CCDC180: variants seen among roughly 807,000 people sequenced by gnomAD.
The protein encoded by CCDC180 is coiled-coil domain-containing protein 180.
In CCDC180, 154 loss-of-function variants were observed where a neutral mutation model predicts 209.2. That is an observed-to-expected ratio of 0.74 (90% confidence interval 0.65 to 0.84). CCDC180 has a LOEUF of 0.84. CCDC180 is among the 40% of genes least tolerant of loss of function. The pLI is 0.00. For synonymous variants in CCDC180, 778 were observed against 749.1 expected (o/e 1.04, Z -0.63); for missense variants, 1,874 against 1,997.3 (o/e 0.94, Z 1.18).
intron 19 of CCDC180, 55 bp downstream of exon 19, chr9:97,343,618 GT>G: frequency 7.8e-7 from 1 of 1,274,656 alleles, no homozygotes; most frequent in Non-Finnish European, 1.1e-6. Flanking sequence ...TGTAAACAAG[GT>G]GAAATATTAA....
At chr9:97,375,704 A>G (rs555878181) in intron 36 of CCDC180, 115 bp downstream of exon 36, 1 of 1,224,468 alleles carries the variant, frequency 8.2e-7, no homozygotes, top group East Asian at 2.5e-5. Flanking sequence ...AGCAGGCAAC[A>G]CATGTCAGCA....
At position 97,314,669 on chromosome 9, in the gene CCDC180, C is replaced by T. The variant is rs1197588108; in HGVS notation, c.640C>T (p.Gln214Ter). The change falls in exon 7 of 37, where the codon CAG becomes TAG. Residue 214 changes from glutamine to a stop codon, truncating the protein, a stop_gained. Coordinates refer to ENST00000529487, the MANE Select transcript of CCDC180 (RefSeq NM_020893.6). LOFTEE classifies it high-confidence loss of function. ...KVAGRLLLRK[Q>*]EIKELDEALH... ...GGCCGGGCGGTTACTGCTCCGGAAG[C>T]AGGAGATTAAGGAGCTGGATGAGGC... The T allele has an allele frequency of 6.2e-7, 1 of 1,614,060 alleles. No homozygotes were observed. The highest frequency in any genetic ancestry group is 1.1e-5 in the South Asian group (1 of 91,082).
At position 97,376,917 on chromosome 9, in the gene CCDC180, A is replaced by G. The variant is rs370790089; in HGVS notation, c.*23A>G. On this transcript the variant is annotated 3_prime_UTR_variant, in exon 37 of 37. Coordinates refer to ENST00000529487, the MANE Select transcript of CCDC180 (RefSeq NM_020893.6). Reference sequence around the variant, plus strand: ...TGACCCTCCGCCCCACCATGAATAAACACTTTCTTATACAGACTCCTTCCC... The same window carrying G: ...TGACCCTCCGCCCCACCATGAATAAGCACTTTCTTATACAGACTCCTTCCC... The G allele has an allele frequency of 1.2e-4, 199 of 1,603,588 alleles. No individual in the cohort carries two copies. The highest frequency in any genetic ancestry group is 1.6e-4 in the Non-Finnish European group (188 of 1,177,074).
Position 97,314,602 on chromosome 9 carries a change from A to C in CCDC180, c.589-16A>C, listed in dbSNP as rs1350389179. On this transcript the variant is annotated splice_polypyrimidine_tract_variant and intron_variant, in intron 6 of 36. Transcript: ENST00000529487. The stretch of plus-strand genomic sequence containing the variant: ...CTCCCACCGGCTCCTAGCCTGACCC[A>C]AACTTCTCTGCGTAGGCCCTGCTGG... The C allele has an allele frequency of 5.0e-6, 8 of 1,613,908 alleles. No homozygotes were observed. The highest frequency in any genetic ancestry group is 1.7e-6 in the Non-Finnish European group (2 of 1,179,926).
intron 31 of CCDC180, among the ~76,000 whole-genome samples, chr9:97,368,389 T>G (rs1826985212): frequency 6.6e-6 from 1 of 152,046 alleles, no homozygotes; most frequent in African/African-American, 2.4e-5. Context: ...TCCACAGACC[T>G]CCAAAGTGGG....
chr9:97,314,976 C>T (rs369916925), intron 8 of CCDC180, 30 bp downstream of exon 8: 1 of 1,571,474 alleles, frequency 6.4e-7, no homozygotes, highest in East Asian at 2.2e-5. Context: ...AGGGATCAGC[C>T]CATGGGAGAA....
At chr9:97,322,471 C>G (rs73559874) in intron 11 of CCDC180, among the ~76,000 whole-genome samples, 4,147 of 152,234 alleles carry the variant, frequency 0.027, 188 homozygotes, top group African/African-American at 0.094. Context: ...CTAGTGCATT[C>G]CGTTTTTCAG....
chr9:97,376,890 T>C lies in CCDC180; in HGVS notation c.4970T>C (p.Val1657Ala), dbSNP rs768900063. The C allele has an allele frequency of 5.6e-6, 9 of 1,611,290 alleles. No homozygotes were observed. The East Asian group carries it at 2.0e-4, about 36-fold the overall frequency. The change falls in exon 37 of 37, where the codon GTG becomes GCG. Residue 1657 changes from valine (V) to alanine (A), a missense_variant. Physicochemically the swap from Val to Ala is moderately conservative, Grantham distance 64. Coordinates refer to ENST00000529487, the MANE Select transcript of CCDC180 (RefSeq NM_020893.6). ...CTGCACACTATCCAAGGCCTGTATGTGTGACCCTCCGCCCCACCATGAATA... is the reference window on the plus strand; with the variant it reads ...CTGCACACTATCCAAGGCCTGTATGCGTGACCCTCCGCCCCACCATGAATA... ...QSLHTIQGLY[V>A]
chr9:97,352,532 G>A (rs914092007), intron 22 of CCDC180, among the ~76,000 whole-genome samples: 30 of 152,158 alleles, frequency 2.0e-4, no homozygotes, highest in Non-Finnish European at 1.0e-4. Context: ...TTTAGAGAAA[G>A]CTCTTCCCTG....
intron 25 of CCDC180, among the ~76,000 whole-genome samples, chr9:97,359,597 C>T (rs1042663105): frequency 6.6e-6 from 1 of 152,096 alleles, no homozygotes; most frequent in Non-Finnish European, 1.5e-5. Context: ...TTGCCACCTG[C>T]GTCAAATGTT....
At chr9:97,340,736 T>C (rs59326423) in intron 18 of CCDC180, among the ~76,000 whole-genome samples, 7,425 of 152,282 alleles carry the variant, frequency 0.049, 635 homozygotes, top group African/African-American at 0.17. Context: ...AGGCGGACCA[T>C]GGTCTAGTGG....
chr9:97,336,188 T>C lies in CCDC180; in HGVS notation c.2274+5421T>C, dbSNP rs867666826. 7.2e-5 allele frequency among the ~76,000 whole-genome samples: 11 copies of C among 152,398 alleles called. No individual in the cohort carries two copies. The Middle Eastern group carries it at 0.01, about 141-fold the overall frequency. ...TTGATTAGATCCCATTTGTCAATTA[T>C]GGCTTTTGTTGCCATTGCTTTTGGT... is the stretch of plus-strand genomic sequence containing the variant. On this transcript the variant is annotated intron_variant, in intron 18 of 36. Coordinates refer to ENST00000529487, the MANE Select transcript of CCDC180 (RefSeq NM_020893.6).
At chr9:97,350,793 A>G (rs1826401921) in intron 22 of CCDC180, among the ~76,000 whole-genome samples, 1 of 152,192 alleles carries the variant, frequency 6.6e-6, no homozygotes, top group Non-Finnish European at 1.5e-5. Context: ...CTGTACCATT[A>G]AACAAGAACT....
At chr9:97,342,774 A>G (rs1041721399) in intron 18 of CCDC180, among the ~76,000 whole-genome samples, 12 of 152,086 alleles carry the variant, frequency 7.9e-5, no homozygotes, top group African/African-American at 2.9e-4. Context: ...CTCTTTTCCT[A>G]TTCTCAAAAG....
intron 22 of CCDC180, among the ~76,000 whole-genome samples, chr9:97,351,428 C>T (rs543431278): frequency 6.6e-6 from 1 of 152,212 alleles, no homozygotes; most frequent in African/African-American, 2.4e-5. Flanking sequence ...TTAACCTTTC[C>T]ATGTGTTTAT....
rs769074639 is a variant in CCDC180, at chr9:97,330,524, A to C, written c.2031A>C (p.Pro677=). The change falls in exon 18 of 37, where the codon CCA becomes CCC. Residue 677 remains proline (P), a synonymous_variant. Transcript: ENST00000529487. The part of the protein sequence containing the change: ...EEVLGQQKKS[P]LHAKMDESKE... Reference sequence around the variant, plus strand: ...TGCTGGGGCAGCAGAAAAAATCTCCACTGCATGCTAAGATGGATGAGTCCA... The same window carrying C: ...TGCTGGGGCAGCAGAAAAAATCTCCCCTGCATGCTAAGATGGATGAGTCCA... 6.2e-7 allele frequency: 1 copy of C among 1,614,134 alleles called. No individual in the cohort carries two copies. The highest frequency in any genetic ancestry group is 1.1e-5 in the South Asian group (1 of 91,074).
In CCDC180 at chr9:97,309,539, C is replaced by T; in HGVS notation, c.195C>T (p.Pro65=). The T allele has an allele frequency of 1.3e-6, 2 of 1,597,800 alleles. No homozygotes were observed. Among genetic ancestry groups the T allele is most frequent in the South Asian group, 2.3e-5 (2 of 88,352 alleles). The change falls in exon 3 of 37, where the codon CCC becomes CCT. Residue 65 remains proline, a synonymous_variant. Transcript: ENST00000529487. The stretch of plus-strand genomic sequence containing the variant: ...CTCCTGAAGGGGAGGTGATGTCTCC[C>T]CGACAGCAGAAGTGGATGCACAGCC... The part of the protein sequence containing the change: ...VETPEGEVMS[P]RQQKWMHSLP...
At chr9:97,328,296 T>A in intron 16 of CCDC180, 150 bp downstream of exon 16, 1 of 873,274 alleles carries the variant, frequency 1.1e-6, no homozygotes, top group Non-Finnish European at 1.7e-6. Context: ...AAAGTGTCTC[T>A]AAAGAGACCA....
At chr9:97,314,989 G>A (rs1237962110) in intron 8 of CCDC180, 43 bp downstream of exon 8, 19 of 1,497,590 alleles carry the variant, frequency 1.3e-5, no homozygotes, top group Non-Finnish European at 1.7e-5. Context: ...TGGGAGAAGG[G>A]GCAGGACCAG....
Sources: gnomAD v4.1 joint callset for allele counts (sites outside exome capture counted in the v4.1 genomes callset) on GRCh38, gnomAD v4.1.1 for gene constraint, MANE v1.5 for transcripts, NCBI Gene and HGNC (gene_info 2026-07-23, HGNC 2026-07-21) for gene names.